Variants in KATNIP observed in about 807,000 individuals in gnomAD.
KATNIP encodes the protein katanin interacting protein.
Under a neutral mutation model 174.0 loss-of-function variants are expected in KATNIP, and 126 were observed. That is an observed-to-expected ratio of 0.72 (90% CI 0.63 to 0.84). KATNIP has a LOEUF of 0.84. KATNIP is among the 40% of genes least tolerant of loss of function. The pLI is 0.00. For missense variants in KATNIP, 1,958 were observed against 2,109.7 expected (o/e 0.93, Z 1.41); for synonymous variants, 810 against 835.7 (o/e 0.97, Z 0.53).
At chr16:27,631,309 TGGGA>T in intron 5 of KATNIP, 147 bp downstream of exon 5, 1 of 610,306 alleles carries the variant, frequency 1.6e-6, no homozygotes, top group Non-Finnish European at 2.9e-6. Context: ...GAGGGTGAGG[TGGGA>T]GGATCACTTT....
chr16:27,745,146 G>A (rs944382948), intron 15 of KATNIP, among the ~76,000 whole-genome samples: 2 of 152,172 alleles, frequency 1.3e-5, no homozygotes, highest in African/African-American at 4.8e-5. Flanking sequence ...TTTACAGGTG[G>A]AGGAGATCTC....
chr16:27,550,170 G>A lies in KATNIP; in HGVS notation c.-1G>A. On this transcript the variant is annotated 5_prime_UTR_variant, in exon 1 of 28. Coordinates refer to ENST00000261588, the MANE Select transcript of KATNIP (RefSeq NM_015202.5). ...AGCTCCCGGAACCGCCGCCTCTAGG[G>A]ATGGACGGTGAGTGTCTGTGGGCCC... The A allele has an allele frequency of 6.2e-7, 1 of 1,612,318 alleles. No homozygotes were observed. Among genetic ancestry groups the A allele is most frequent in the Non-Finnish European group, 8.5e-7 (1 of 1,178,742 alleles).
chr16:27,698,354 C>T lies in KATNIP; in HGVS notation c.967C>T (p.Leu323=), dbSNP rs771046323. The T allele has an allele frequency of 2.5e-6, 4 of 1,612,370 alleles. No individual in the cohort carries two copies. The Admixed American group carries it at 6.7e-5, about 27-fold the overall frequency. Residue 323 remains leucine (L), a synonymous_variant, in exon 9 of 28, where the codon CTG becomes TTG. Transcript: ENST00000261588. ...SRPGSRRERP[L]SATRKTLCEA... is the part of the protein sequence containing the mutation. The stretch of plus-strand genomic sequence containing the variant: ...ACCTGGAAGCCGGCGAGAGAGACCC[C>T]TGTCTGCAACCCGCAAAACTCTTTG...
chr16:27,551,614 T>C (rs2089372646), intron 1 of KATNIP, among the ~76,000 whole-genome samples: 1 of 152,202 alleles, frequency 6.6e-6, no homozygotes, highest in African/African-American at 2.4e-5. Context: ...GGGCCGGGCA[T>C]GGACTCGTGC....
chr16:27,551,710 C>A (rs1337997067), intron 1 of KATNIP, among the ~76,000 whole-genome samples: 1 of 152,108 alleles, frequency 6.6e-6, no homozygotes, highest in Non-Finnish European at 1.5e-5. Context: ...CATGGTGAAA[C>A]CTTGTCTCTA....
At chr16:27,748,761 G>T (rs1268943923) in intron 15 of KATNIP, among the ~76,000 whole-genome samples, 2 of 152,060 alleles carry the variant, frequency 1.3e-5, no homozygotes. Flanking sequence ...TCCAGCCTGG[G>T]CAACAGAGCG....
chr16:27,612,563 A>AGCC (rs1281229781), intron 2 of KATNIP, among the ~76,000 whole-genome samples: 64 of 152,082 alleles, frequency 4.2e-4, no homozygotes, highest in Non-Finnish European at 5.9e-5. Flanking sequence ...GTTCGAGACC[A>AGCC]GCCTGGCCAA....
chr16:27,603,161 A>G (rs2075587357), intron 2 of KATNIP, among the ~76,000 whole-genome samples: 1 of 152,246 alleles, frequency 6.6e-6, no homozygotes, highest in South Asian at 2.1e-4. Flanking sequence ...CAGGATCCAC[A>G]ATCATGATCT....
At chr16:27,562,167 C>G (rs2089909256) in intron 1 of KATNIP, among the ~76,000 whole-genome samples, 1 of 152,058 alleles carries the variant, frequency 6.6e-6, no homozygotes, top group African/African-American at 2.4e-5. Flanking sequence ...ATTAGCTGGG[C>G]TTGGTGGCAC....
chr16:27,750,334 A>G (rs1487158088), intron 16 of KATNIP, 28 bp downstream of exon 16: 1 of 1,578,184 alleles, frequency 6.3e-7, no homozygotes, highest in South Asian at 1.2e-5. Flanking sequence ...GAATTTTCTC[A>G]GAGCCCCTAT....
At chr16:27,605,853 G>T (rs558168647) in intron 2 of KATNIP, among the ~76,000 whole-genome samples, 39 of 152,164 alleles carry the variant, frequency 2.6e-4, no homozygotes, top group Non-Finnish European at 5.4e-4. Context: ...GCTCAGGTCA[G>T]GTGCGGTGGC....
chr16:27,617,279 C>A (rs2076068980), intron 2 of KATNIP, among the ~76,000 whole-genome samples: 1 of 152,200 alleles, frequency 6.6e-6, no homozygotes, highest in Non-Finnish European at 1.5e-5. Context: ...TAGGAATCTG[C>A]CTCTGCATCT....
In KATNIP at chr16:27,699,691, A is replaced by G. The variant is rs1012685751; in HGVS notation, c.1179+92A>G. On this transcript the variant is annotated intron_variant, in intron 10 of 27. Transcript: ENST00000261588. ...AGAGATGAATGACAAAGCCCTATGC[A>G]TGTGCATAGCACCTGATGGCCTCCA... 49 of 1,565,290 alleles carry G rather than the reference A, an allele frequency of 3.1e-5. No homozygotes were observed. In the African/African-American group the frequency reaches 6.1e-4, roughly 19 times the overall value.
At chr16:27,745,263 G>A (rs989951316) in intron 15 of KATNIP, among the ~76,000 whole-genome samples, 2 of 152,352 alleles carry the variant, frequency 1.3e-5, no homozygotes, top group Admixed American at 1.3e-4. Flanking sequence ...GGACCGGAAG[G>A]AAGAACCAGA....
rs776639555 is a variant in KATNIP, at chr16:27,749,934, G to T, written c.2974G>T (p.Gly992Cys). The change falls in exon 16 of 28, where the codon GGC becomes TGC. Residue 992 changes from glycine to cysteine, a missense_variant. Physicochemically the swap from Gly to Cys is radical, Grantham distance 159. Around this residue, in one of 3 missense-constraint regions of KATNIP, gnomAD observed 1,557 missense variants for 1,617.8 expected, o/e 0.96. Transcript: ENST00000261588. ...KSTWGDRHYVGLNGIEIFSSK... is the reference protein window; with the variant it reads ...KSTWGDRHYVCLNGIEIFSSK... ...TACCTGGGGGGACAGACACTATGTC[G>T]GCCTCAACGGAATAGAAATATTCAG... 5.0e-6 allele frequency: 8 copies of T among 1,613,986 alleles called. No homozygotes were observed. In the East Asian group the frequency reaches 1.1e-4, roughly 22 times the overall value.
chr16:27,561,209 G>A (rs1236594650), intron 1 of KATNIP, among the ~76,000 whole-genome samples: 1 of 150,986 alleles, frequency 6.6e-6, no homozygotes, highest in East Asian at 1.9e-4. Context: ...TTTCAGTAGG[G>A]ACGGGGTTTC....
intron 6 of KATNIP, among the ~76,000 whole-genome samples, chr16:27,655,177 G>GAGAT (rs2077229340): frequency 1.3e-4 from 5 of 38,546 alleles, no homozygotes; most frequent in Non-Finnish European, 3.0e-4. Context: ...CCCTAGAATG[G>GAGAT]ATATATATAT....
chr16:27,610,902 T>C (rs1288384696), intron 2 of KATNIP, among the ~76,000 whole-genome samples: 1 of 152,180 alleles, frequency 6.6e-6, no homozygotes, highest in African/African-American at 2.4e-5. Context: ...CATTTGTCTC[T>C]TATCTACCTG....
chr16:27,771,006 G>A (rs748139663), intron 21 of KATNIP, among the ~76,000 whole-genome samples: 28 of 152,198 alleles, frequency 1.8e-4, no homozygotes, highest in Admixed American at 3.3e-4. Context: ...GCTCCTCTGC[G>A]TGGAAGGTTC....
Sources: gnomAD v4.1 joint callset for allele counts (sites outside exome capture counted in the v4.1 genomes callset) on GRCh38, gnomAD v4.1.1 for gene constraint, gnomAD v4.1.1 regional missense constraint, MANE v1.5 for transcripts, NCBI Gene and HGNC (gene_info 2026-07-23, HGNC 2026-07-21) for gene names.